Variants in TUB observed in about 807,000 individuals in gnomAD.
The protein encoded by TUB is TUB bipartite transcription factor.
TUB carries 33 observed loss-of-function variants against 59.7 expected under a neutral mutation model. That is an observed-to-expected ratio of 0.55 (90% CI 0.42 to 0.74). The LOEUF is 0.74. Among genes scored for constraint, TUB ranks in the 30% least tolerant of loss-of-function variants. The pLI, the probability that TUB is intolerant of heterozygous loss-of-function variation, is 0.00. For missense variants in TUB, 659 were observed against 672.0 expected (o/e 0.98, Z 0.21); for synonymous variants, 293 against 256.4 (o/e 1.14, Z -1.36).
At chr11:8,049,024 T>C (rs1396014865) in intron 2 of TUB, among the ~76,000 whole-genome samples, 1 of 152,192 alleles carries the variant, frequency 6.6e-6, no homozygotes, top group African/African-American at 2.4e-5. Flanking sequence ...ACCTCAAACA[T>C]AGAGAGCTTA....
At chr11:8,036,455 T>C (rs2133721530), upstream of TUB, among the ~76,000 whole-genome samples, 1 of 152,324 alleles carries the variant, frequency 6.6e-6, no homozygotes, top group East Asian at 1.9e-4. Context: ...GCATCCTTCT[T>C]AGAAGGCTGT....
At chr11:8,071,649 G>C (rs1167832538) in intron 2 of TUB, among the ~76,000 whole-genome samples, 3 of 152,228 alleles carry the variant, frequency 2.0e-5, no homozygotes, top group Admixed American at 1.3e-4. Flanking sequence ...TCAGTTGTCT[G>C]TCAGAGCCAG....
intron 2 of TUB, among the ~76,000 whole-genome samples, chr11:8,041,307 C>G (rs1238256077): frequency 1.3e-5 from 2 of 152,134 alleles, no homozygotes; most frequent in Non-Finnish European, 2.9e-5. Flanking sequence ...CAAGATGGTG[C>G]CAGCAAGCAT....
At chr11:8,098,028 C>T (rs902144512) in intron 8 of TUB, among the ~76,000 whole-genome samples, 4 of 152,150 alleles carry the variant, frequency 2.6e-5, no homozygotes, top group African/African-American at 7.2e-5. Flanking sequence ...ATCACACACC[C>T]GACCCCAAGC....
In TUB at chr11:8,096,811, G is replaced by A; in HGVS notation, c.687+5G>A. ...ACTAGCAGGAAGTCCGTCAGGGTGA[G>A]TGAGTGAGTCTGCATCCACAGCAGT... On this transcript the variant is annotated splice_donor_5th_base_variant and intron_variant, in intron 6 of 11. Coordinates refer to ENST00000299506, the MANE Select transcript of TUB (RefSeq NM_177972.3). 6.2e-7 allele frequency: 1 copy of A among 1,614,152 alleles called. No homozygotes were observed. Among genetic ancestry groups the A allele is most frequent in the Non-Finnish European group, 8.5e-7 (1 of 1,180,000 alleles).
intron 1 of TUB, among the ~76,000 whole-genome samples, chr11:8,089,366 G>A (rs1205003064): frequency 6.6e-6 from 1 of 152,142 alleles, no homozygotes; most frequent in East Asian, 1.9e-4. Context: ...GGTATTTACT[G>A]GGGAGTCCCT....
intron 5 of TUB, 61 bp downstream of exon 5, chr11:8,095,726 C>T: frequency 2.0e-6 from 3 of 1,512,768 alleles, no homozygotes; most frequent in Non-Finnish European, 2.7e-6. Context: ...TCAGATGCAC[C>T]TTTCTCTGGG....
intron 1 of TUB, among the ~76,000 whole-genome samples, chr11:8,023,623 G>A (rs776391281): frequency 6.6e-6 from 1 of 152,166 alleles, no homozygotes; most frequent in Non-Finnish European, 1.5e-5. Context: ...CAGCTTTAAC[G>A]CAATAGGTTT....
chr11:8,055,961 C>G (rs1008540017), intron 2 of TUB, among the ~76,000 whole-genome samples: 1 of 152,196 alleles, frequency 6.6e-6, no homozygotes. Flanking sequence ...GGCCCTTAAG[C>G]CCCCAAGAGT....
chr11:8,022,711 G>A (rs1272575118), intron 1 of TUB, among the ~76,000 whole-genome samples: 1 of 152,114 alleles, frequency 6.6e-6, no homozygotes, highest in Non-Finnish European at 1.5e-5. Context: ...CCAACATGGT[G>A]AAACCCTGTC....
At position 8,094,113 on chromosome 11, in the gene TUB, C is replaced by T; in HGVS notation, c.321C>T (p.Ala107=). ...GATRPTAPAS[A]KRTKAAATAG... ...CGCGCCCAACAGCACCAGCTTCAGC[C>T]AAGAGAACCAAGGCGGCAGCTACAG... is the stretch of plus-strand genomic sequence containing the variant. The change falls in exon 4 of 12, where the codon GCC becomes GCT. Residue 107 remains alanine, a synonymous_variant. Coordinates refer to ENST00000299506, the MANE Select transcript of TUB (RefSeq NM_177972.3). The T allele has an allele frequency of 6.2e-7, 1 of 1,614,152 alleles. No homozygotes were observed. Among genetic ancestry groups the T allele is most frequent in the Non-Finnish European group, 8.5e-7 (1 of 1,180,018 alleles).
At chr11:8,022,046 G>T (rs1165151901) in intron 1 of TUB, among the ~76,000 whole-genome samples, 2 of 152,040 alleles carry the variant, frequency 1.3e-5, no homozygotes, top group East Asian at 3.9e-4. Flanking sequence ...GCTATGTGAA[G>T]AAAACAACTC....
intron 3 of TUB, among the ~76,000 whole-genome samples, chr11:8,090,833 T>C (rs1943757396): frequency 6.6e-6 from 1 of 151,932 alleles, no homozygotes. Context: ...TCTCCAGAGA[T>C]GGCTGCAGCA....
chr11:8,067,865 C>A (rs768592108), intron 2 of TUB: 1 of 152,266 alleles, frequency 6.6e-6, no homozygotes, highest in Non-Finnish European at 1.5e-5. Flanking sequence ...AATGGGGTGA[C>A]CTGCAGACGC....
At chr11:8,088,293 C>A (rs1943706696) in intron 1 of TUB, among the ~76,000 whole-genome samples, 2 of 152,188 alleles carry the variant, frequency 1.3e-5, no homozygotes, top group Non-Finnish European at 2.9e-5. Flanking sequence ...CTCTGACTGG[C>A]TCCCTTGGAG....
At chr11:8,099,602 G>A (rs773186931) in intron 9 of TUB, among the ~76,000 whole-genome samples, 1 of 152,168 alleles carries the variant, frequency 6.6e-6, no homozygotes, top group Non-Finnish European at 1.5e-5. Flanking sequence ...AGACATAAAT[G>A]TATACCTTTA....
At chr11:8,081,101 G>T (rs1317465125), upstream of TUB, among the ~76,000 whole-genome samples, 1 of 151,606 alleles carries the variant, frequency 6.6e-6, no homozygotes, top group Non-Finnish European at 1.5e-5. Context: ...GATTTCGGGG[G>T]AGGGGGCAAG....
At chr11:8,032,034 AG>A (rs1317147938) in intron 1 of TUB, among the ~76,000 whole-genome samples, 2 of 152,166 alleles carry the variant, frequency 1.3e-5, no homozygotes, top group African/African-American at 4.8e-5. Flanking sequence ...CTGGACAGAG[AG>A]AGACCCCCTG....
At chr11:8,070,108 C>T (rs1256977324) in intron 2 of TUB, among the ~76,000 whole-genome samples, 1 of 152,224 alleles carries the variant, frequency 6.6e-6, no homozygotes, top group African/African-American at 2.4e-5. Context: ...GCTCGCCCTC[C>T]TTTCCTTAAA....
Sources: gnomAD v4.1 joint callset for allele counts (sites outside exome capture counted in the v4.1 genomes callset) on GRCh38, gnomAD v4.1.1 for gene constraint, MANE v1.5 for transcripts, NCBI Gene and HGNC (gene_info 2026-07-23, HGNC 2026-07-21) for gene names.